The following ZNF385D variants were observed in gnomAD, a reference collection of about 807,000 sequenced individuals.
ZNF385D encodes the protein zinc finger protein 659.
A neutral mutation model predicts 35.8 loss-of-function variants in ZNF385D; 15 were observed. The observed-to-expected ratio is 0.42, with a 90% CI of 0.28 to 0.64. The LOEUF (loss-of-function observed/expected upper bound fraction) is 0.64. Among genes scored for constraint, ZNF385D ranks in the 30% least tolerant of loss-of-function variants. The probability of loss-of-function intolerance (pLI) is 0.23; values close to 1 mark genes in which losing one functional copy is unlikely to be tolerated. For synonymous variants in ZNF385D, 212 were observed against 186.8 expected, an observed-to-expected ratio of 1.13 and a Z score of -1.10; for missense variants, 474 against 494.6, an observed-to-expected ratio of 0.96 and a Z score of 0.39.
intron 2 of ZNF385D, among the ~76,000 whole-genome samples, chr3:22,208,727 A>T (rs1475817208): frequency 5.5e-5 from 8 of 144,470 alleles, no homozygotes; most frequent in Non-Finnish European, 9.1e-5. Flanking sequence ...TAAAAAAAAA[A>T]TTTAAAAAAT....
intron 1 of ZNF385D, among the ~76,000 whole-genome samples, chr3:21,688,806 G>A (rs1242820613): frequency 1.3e-5 from 2 of 152,134 alleles, no homozygotes; most frequent in Non-Finnish European, 1.5e-5. Flanking sequence ...CAACAGCTTT[G>A]TATTATACCA....
At chr3:22,296,831 C>T (rs1702610820) in intron 2 of ZNF385D, among the ~76,000 whole-genome samples, 1 of 152,140 alleles carries the variant, frequency 6.6e-6, no homozygotes, top group Non-Finnish European at 1.5e-5. Flanking sequence ...AAAGTGCAGG[C>T]TGCCAGATGT....
intron 1 of ZNF385D, 123 bp downstream of exon 1, chr3:21,750,772 T>G: frequency 8.2e-7 from 1 of 1,224,778 alleles, no homozygotes; most frequent in South Asian, 1.3e-5. Context: ...GGTCCTCCAG[T>G]TGCCAACTGG....
At chr3:22,091,397 T>G (rs1011442814) in intron 3 of ZNF385D, among the ~76,000 whole-genome samples, 1 of 152,116 alleles carries the variant, frequency 6.6e-6, no homozygotes, top group Non-Finnish European at 1.5e-5. Context: ...GATAACAGGC[T>G]CTGGGGTAAC....
At chr3:21,709,829 C>T (rs949031754) in intron 1 of ZNF385D, among the ~76,000 whole-genome samples, 28 of 152,028 alleles carry the variant, frequency 1.8e-4, no homozygotes, top group African/African-American at 5.8e-4. Context: ...AAAAACTTTA[C>T]GAAAAACCTA....
intron 2 of ZNF385D, among the ~76,000 whole-genome samples, chr3:21,602,349 C>G (rs914642885): frequency 6.6e-6 from 1 of 151,840 alleles, no homozygotes; most frequent in Non-Finnish European, 1.5e-5. Flanking sequence ...TAGTTGTGGA[C>G]AATCTAGCAC....
chr3:21,760,706 T>C lies in ZNF385D; in HGVS notation c.326-95678A>G, dbSNP rs145986862. On this transcript the variant is annotated intron_variant, in intron 3 of 5. Transcript: ENST00000494108. ...TATCAAGAGCAGTACTGACTAAATATAGAATACAATTCATAAGAAATCTGG... is the reference window on the plus strand; with the variant it reads ...TATCAAGAGCAGTACTGACTAAATACAGAATACAATTCATAAGAAATCTGG... Among the ~76,000 whole-genome samples the C allele has an allele frequency of 5.1e-3, 775 of 152,282 alleles. 8 individuals carry two copies. Among genetic ancestry groups the C allele is most frequent in the African/African-American group, 0.017 (724 of 41,556 alleles).
chr3:21,651,788 T>A (rs946932561), intron 2 of ZNF385D, among the ~76,000 whole-genome samples: 1 of 152,142 alleles, frequency 6.6e-6, no homozygotes, highest in Non-Finnish European at 1.5e-5. Context: ...ACTAGAGCAA[T>A]TGCTTGAAAA....
At chr3:22,147,264 AT>A (rs1704919828) in intron 3 of ZNF385D, among the ~76,000 whole-genome samples, 1 of 152,160 alleles carries the variant, frequency 6.6e-6, no homozygotes, top group African/African-American at 2.4e-5. Context: ...TTTTCCTTGA[AT>A]AACCATGTCT....
intron 2 of ZNF385D, among the ~76,000 whole-genome samples, chr3:22,271,735 G>C (rs986105274): frequency 6.6e-6 from 1 of 151,700 alleles, no homozygotes; most frequent in African/African-American, 2.4e-5. Flanking sequence ...TCAGATGTCC[G>C]ATCCTCCGTA....
At chr3:21,988,509 G>T (rs1452440745) in intron 3 of ZNF385D, among the ~76,000 whole-genome samples, 1 of 144,230 alleles carries the variant, frequency 6.9e-6, no homozygotes, top group Admixed American at 6.8e-5. Flanking sequence ...ACCCACTTGA[G>T]GAGGCAGTCT....
chr3:21,770,238 G>A lies in ZNF385D; in HGVS notation c.326-105210C>T, dbSNP rs537204161. Among the ~76,000 whole-genome samples, 76 of 152,206 alleles carry A rather than the reference G, an allele frequency of 5.0e-4. 1 individual carries two copies. Among genetic ancestry groups the A allele is most frequent in the African/African-American group, 1.8e-3 (74 of 41,540 alleles). The stretch of plus-strand genomic sequence containing the variant: ...CAACAAAAGCCAAAAATTGACAAAT[G>A]GGATCTAATTAAACTAAAGAGCTTC... On this transcript the variant is annotated intron_variant, in intron 3 of 5. Coordinates refer to the ZNF385D transcript ENST00000494108.
intron 4 of ZNF385D, among the ~76,000 whole-genome samples, chr3:21,464,490 CAG>C (rs879344591): frequency 9.2e-5 from 14 of 152,112 alleles, no homozygotes; most frequent in Non-Finnish European, 2.1e-4. Context: ...CATATACACA[CAG>C]AGAACCTCAG....
chr3:21,689,886 CA>C (rs5847127), intron 1 of ZNF385D, among the ~76,000 whole-genome samples: 46,328 of 143,472 alleles, frequency 0.32, 7,301 homozygotes, highest in Admixed American at 0.4. Context: ...CGAAAAATTG[CA>C]AAAAAAAAAA....
intron 2 of ZNF385D, among the ~76,000 whole-genome samples, chr3:22,365,975 A>G (rs1317370577): frequency 6.6e-6 from 1 of 152,042 alleles, no homozygotes; most frequent in Non-Finnish European, 1.5e-5. Context: ...TTAGTTGGGG[A>G]TTCAGGATTT....
intron 3 of ZNF385D, among the ~76,000 whole-genome samples, chr3:22,072,478 G>A (rs1450575652): frequency 6.6e-6 from 1 of 152,044 alleles, no homozygotes; most frequent in African/African-American, 2.4e-5. Flanking sequence ...CTCGTCAGCT[G>A]CTTGCTGAAG....
intron 3 of ZNF385D, among the ~76,000 whole-genome samples, chr3:22,133,183 G>T (rs1703900575): frequency 6.6e-6 from 1 of 152,044 alleles, no homozygotes; most frequent in African/African-American, 2.4e-5. Context: ...ATAAACAAAG[G>T]ATTTGGATTC....
intron 3 of ZNF385D, among the ~76,000 whole-genome samples, chr3:21,785,201 C>T (rs1009884076): frequency 8.5e-5 from 13 of 152,076 alleles, no homozygotes; most frequent in South Asian, 4.2e-4. Flanking sequence ...AAACCCTGGT[C>T]GGTGGTATAT....
chr3:21,864,292 C>A (rs1401759177), intron 3 of ZNF385D, among the ~76,000 whole-genome samples: 3 of 152,096 alleles, frequency 2.0e-5, no homozygotes, highest in Non-Finnish European at 2.9e-5. Flanking sequence ...GGTAAGCAAC[C>A]TTTTCATATC....
Sources: allele counts gnomAD v4.1 joint callset (sites outside exome capture counted in the v4.1 genomes callset), GRCh38; gene constraint gnomAD v4.1.1; transcripts MANE v1.5; gene names NCBI Gene and HGNC (gene_info 2026-07-23, HGNC 2026-07-21).